The following DIS3L variants were observed in gnomAD, a reference collection of about 807,000 sequenced individuals.
The protein encoded by DIS3L is DIS3-like exonuclease 1.
DIS3L carries 100 observed loss-of-function variants against 120.3 expected under a neutral mutation model. That is an observed-to-expected ratio of 0.83 (90% CI 0.71 to 0.98). The LOEUF (loss-of-function observed/expected upper bound fraction) is 0.98. Ranked by LOEUF, DIS3L falls within the 50% of genes least tolerant of loss-of-function variation. The probability of loss-of-function intolerance (pLI) is 0.00; values close to 1 mark genes in which losing one functional copy is unlikely to be tolerated. For synonymous variants in DIS3L, 426 were observed against 470.6 expected (o/e 0.91, Z 1.23); for missense variants, 1,196 against 1,314.2 (o/e 0.91, Z 1.39).
chr15:66,296,192 AAC>A (rs1242209399), intron 2 of DIS3L, among the ~76,000 whole-genome samples: 6 of 152,210 alleles, frequency 3.9e-5, no homozygotes, highest in African/African-American at 1.4e-4. Context: ...TCAGATTGCT[AAC>A]ACACTGCGAG....
rs991829015 is a variant in DIS3L, at chr15:66,315,362, A to G, written c.994+147A>G. 1.1e-5 allele frequency: 9 copies of G among 812,074 alleles called. No homozygotes were observed. In the African/African-American group the frequency reaches 1.6e-4, roughly 14 times the overall value. The allele number at this position is 812,074 out of a possible 1,614,324, so 50.3% of individuals were successfully genotyped here. The stretch of plus-strand genomic sequence containing the variant: ...AACTGTATTTATTGTGTATAATATG[A>G]TGATTTTTGTGTATTTACTGTGTAT... On this transcript the variant is annotated intron_variant, in intron 7 of 16. Transcript: ENST00000319212.
intron 7 of DIS3L, among the ~76,000 whole-genome samples, chr15:66,315,865 G>A: frequency 6.6e-6 from 1 of 152,132 alleles, no homozygotes; most frequent in East Asian, 1.9e-4. Context: ...CCTGAGCACT[G>A]GTCAGCCTCC....
intron 14 of DIS3L, chr15:66,331,508 T>C (rs2092998201): frequency 6.5e-6 from 1 of 154,096 alleles, no homozygotes; most frequent in African/African-American, 2.4e-5. Context: ...TGAGCCGAGA[T>C]TGCACCACTG....
At chr15:66,320,282 C>G (rs556202421) in intron 8 of DIS3L, among the ~76,000 whole-genome samples, 1 of 152,120 alleles carries the variant, frequency 6.6e-6, no homozygotes, top group South Asian at 2.1e-4. Flanking sequence ...TTACAGTTAA[C>G]TAGAATATAT....
intron 2 of DIS3L, among the ~76,000 whole-genome samples, chr15:66,296,814 G>A (rs979807173): frequency 1.3e-5 from 2 of 152,190 alleles, no homozygotes; most frequent in African/African-American, 4.8e-5. Flanking sequence ...GAGCCACTGT[G>A]CCCGGCCCAA....
chr15:66,333,316 G>T lies in DIS3L; in HGVS notation c.*4G>T. The T allele has an allele frequency of 6.3e-7, 1 of 1,583,614 alleles. No individual in the cohort carries two copies. Among genetic ancestry groups the T allele is most frequent in the South Asian group, 1.2e-5 (1 of 85,550 alleles). ...TTCAAACAATTATGGAATATGAGAG[G>T]CTCTTACTTCACTAAGAGCTGTCAT... On this transcript the variant is annotated 3_prime_UTR_variant, in exon 17 of 17. Transcript: ENST00000319212.
intron 2 of DIS3L, among the ~76,000 whole-genome samples, chr15:66,297,000 A>G (rs1339117913): frequency 1.3e-5 from 2 of 152,190 alleles, no homozygotes; most frequent in Non-Finnish European, 2.9e-5. Flanking sequence ...CTTTGGGGGA[A>G]ATGGATTTGA....
rs1245512584 is a variant in DIS3L, at chr15:66,330,298, A to G, written c.2535+899A>G. 4 of 981,266 alleles carry G rather than the reference A, an allele frequency of 4.1e-6. No individual in the cohort carries two copies. In the African/African-American group the frequency reaches 7.0e-5, roughly 17 times the overall value. 60.8% of individuals were successfully genotyped at this position (981,266 alleles called of 1,614,324 possible). On this transcript the variant is annotated intron_variant, in intron 14 of 16. Coordinates refer to ENST00000319212, the MANE Select transcript of DIS3L (RefSeq NM_001143688.3). ...GGTGACAGAGCGAAACTCCGTCTAA[A>G]AAAAAAAAATCACACCGTGCCTGCT... is the stretch of plus-strand genomic sequence containing the variant.
chr15:66,325,823 T>G lies in DIS3L; in HGVS notation c.1668-8T>G. ...ATAGTGATGTTGTCAATGTTACTGTTTTTGTAGGTATGCTGTAAGCATCAT... is the reference window on the plus strand; with the variant it reads ...ATAGTGATGTTGTCAATGTTACTGTGTTTGTAGGTATGCTGTAAGCATCAT... On this transcript the variant is annotated splice_region_variant and splice_polypyrimidine_tract_variant and intron_variant, in intron 11 of 16. Transcript: ENST00000319212. 1 of 1,578,208 alleles carries G rather than the reference T, an allele frequency of 6.3e-7. No homozygotes were observed.
In DIS3L at chr15:66,322,864, G is replaced by A. The variant is rs566078404; in HGVS notation, c.1504G>A (p.Gly502Arg). Reference sequence around the variant, plus strand: ...CTTAAATAATGGCAACCTGGAACTTGGGGTCCACATCGCAGATGTAACACA... The same window carrying A: ...CTTAAATAATGGCAACCTGGAACTTAGGGTCCACATCGCAGATGTAACACA... ...RTLNNGNLEL[G>R]VHIADVTHFV... The change falls in exon 10 of 17, where the codon GGG (glycine) becomes AGG (arginine). Residue 502 changes from glycine to arginine, a missense_variant. Physicochemically the swap from Gly to Arg is moderately radical, Grantham distance 125. Transcript: ENST00000319212. The A allele has an allele frequency of 1.2e-6, 2 of 1,614,148 alleles. No individual in the cohort carries two copies. Among genetic ancestry groups the A allele is most frequent in the East Asian group, 2.2e-5 (1 of 44,880 alleles).
chr15:66,314,873 T>G, intron 6 of DIS3L, 163 bp from the exon 7 acceptor site: 1 of 652,140 alleles, frequency 1.5e-6, no homozygotes, highest in Non-Finnish European at 2.5e-6. Context: ...CAGCAATTCT[T>G]CATTCCTAAC....
intron 6 of DIS3L, 56 bp downstream of exon 6, chr15:66,314,173 C>T: frequency 7.5e-7 from 1 of 1,338,338 alleles, no homozygotes. Flanking sequence ...TGACGTTATA[C>T]AATGAAGAAA....
chr15:66,321,916 A>G lies in DIS3L; in HGVS notation c.1327-771A>G, dbSNP rs1237147831. Among the ~76,000 whole-genome samples, 6 of 152,214 alleles carry G rather than the reference A, an allele frequency of 3.9e-5. No individual in the cohort carries two copies. In the South Asian group the frequency reaches 8.3e-4, roughly 21 times the overall value. On this transcript the variant is annotated intron_variant, in intron 9 of 16. Coordinates refer to ENST00000319212, the MANE Select transcript of DIS3L (RefSeq NM_001143688.3). ...AATAGCTTCTAATATGTACAAGCAG[A>G]TTGTTCTCCAGAAAAATTGGACCCA...
chr15:66,314,350 A>G (rs1363016169), intron 6 of DIS3L, among the ~76,000 whole-genome samples: 1 of 152,224 alleles, frequency 6.6e-6, no homozygotes, highest in African/African-American at 2.4e-5. Context: ...AACTTGCCCA[A>G]GGTCACACAC....
chr15:66,332,422 A>G (rs4776778), intron 15 of DIS3L, among the ~76,000 whole-genome samples: 38,036 of 144,970 alleles, frequency 0.26, 5,500 homozygotes, highest in South Asian at 0.33. Flanking sequence ...GTGCCACTGC[A>G]CTCCAGCCTG....
At chr15:66,325,688 G>A in intron 11 of DIS3L, 143 bp from the exon 12 acceptor site, 1 of 943,290 alleles carries the variant, frequency 1.1e-6, no homozygotes, top group South Asian at 1.9e-5. Context: ...TCAAGTCCAG[G>A]AGATTGAGGC....
chr15:66,304,618 T>C (rs1317444183), intron 2 of DIS3L, among the ~76,000 whole-genome samples: 2 of 152,156 alleles, frequency 1.3e-5, no homozygotes, highest in African/African-American at 4.8e-5. Flanking sequence ...AGATATTTTA[T>C]GGCCGGGCGT....
intron 2 of DIS3L, among the ~76,000 whole-genome samples, chr15:66,304,089 CAAAAAAAA>C (rs34711611): frequency 5.5e-5 from 4 of 72,638 alleles, no homozygotes; most frequent in African/African-American, 5.3e-5. Flanking sequence ...GACTCTGTTT[CAAAAAAAA>C]AAAAAAAAAA....
At chr15:66,329,511 T>G in intron 14 of DIS3L, 112 bp downstream of exon 14, 2 of 1,383,550 alleles carry the variant, frequency 1.4e-6, no homozygotes, top group Non-Finnish European at 1.9e-6. Context: ...AATTCTAGAA[T>G]TATTCTAACC....
Sources: allele counts gnomAD v4.1 joint callset (sites outside exome capture counted in the v4.1 genomes callset), GRCh38; gene constraint gnomAD v4.1.1; transcripts MANE v1.5; gene names NCBI Gene and HGNC (gene_info 2026-07-23, HGNC 2026-07-21).